Variants in ZNF124 observed in about 807,000 individuals in gnomAD.
ZNF124 encodes zinc finger protein 124, also known as zinc finger protein HZF-16.
ZNF124 carries 25 observed loss-of-function variants against 26.6 expected under a neutral mutation model. The ratio of observed to expected loss-of-function variants is 0.94; its 90% CI spans 0.68 to 1.31. The LOEUF (loss-of-function observed/expected upper bound fraction) is 1.31, where lower values mean the gene tolerates loss of function less well. ZNF124 is among the 40% of genes most tolerant of loss of function. The pLI, the probability that ZNF124 is intolerant of heterozygous loss-of-function variation, is 0.00. For missense variants in ZNF124, 444 were observed against 422.2 expected, an observed-to-expected ratio of 1.05 and a Z score of -0.45; for synonymous variants, 129 against 133.3, an observed-to-expected ratio of 0.97 and a Z score of 0.22.
Position 247,128,849 on chromosome 1 carries a change from G to T in ZNF124, c.219-4978C>A, listed in dbSNP as rs1051266304. On this transcript the variant is annotated intron_variant, in intron 3 of 3. Coordinates refer to the ZNF124 transcript ENST00000472531. The stretch of plus-strand genomic sequence containing the variant: ...CAGTGGGGACACGGCGCAGTTTTCT[G>T]GGGGAGGGTGGGCATTGAGTACTTC... 2.0e-5 allele frequency among the ~76,000 whole-genome samples: 3 copies of T among 151,600 alleles called. 1 individual carries two copies. Among genetic ancestry groups the T allele is most frequent in the Non-Finnish European group, 4.4e-5 (3 of 67,934 alleles).
At chr1:247,151,404 G>A (rs1192824558), downstream of ZNF124, among the ~76,000 whole-genome samples, 27 of 151,736 alleles carry the variant, frequency 1.8e-4, no homozygotes, top group Non-Finnish European at 3.8e-4. Context: ...GCGTGAACTC[G>A]GGAGGCGGAG....
rs1240379883 is a variant in ZNF124 at position 247,168,890 on chromosome 1, AC to A, written c.30+2957del. Among the ~76,000 whole-genome samples, 1 of 152,114 alleles carries A rather than the reference AC, an allele frequency of 6.6e-6. No individual in the cohort carries two copies. Among genetic ancestry groups the A allele is most frequent in the Non-Finnish European group, 1.5e-5 (1 of 68,030 alleles). ...GAGGGGGTGAGACTGCATATTGGGT[AC>A]AGCGTACACTGATAAGGTGACAGGA... On this transcript the variant is annotated intron_variant, in intron 1 of 3. Coordinates refer to ENST00000543802, the MANE Select transcript of ZNF124 (RefSeq NM_001297568.2). This position sits in a 1 kb window ranked among gnomAD's most constrained non-coding sequence, Gnocchi z 4.0.
chr1:247,135,031 G>T (rs1305556285), intron 3 of ZNF124, among the ~76,000 whole-genome samples: 1 of 152,148 alleles, frequency 6.6e-6, no homozygotes, highest in Non-Finnish European at 1.5e-5. Flanking sequence ...CAGAAATCAA[G>T]AAGTTCTTTG....
At chr1:247,151,961 A>G (rs1447541409), downstream of ZNF124, among the ~76,000 whole-genome samples, 1 of 152,082 alleles carries the variant, frequency 6.6e-6, no homozygotes, top group Non-Finnish European at 1.5e-5. Context: ...GCTGTTAGAG[A>G]TCAATATAGT....
chr1:247,147,775 T>A (rs551872032), intron 3 of ZNF124, among the ~76,000 whole-genome samples: 153 of 152,210 alleles, frequency 1.0e-3, no homozygotes, highest in African/African-American at 3.6e-3. Context: ...ACTGGAATAA[T>A]CCCCTCCGGC....
chr1:247,141,768 G>A (rs770286709), intron 3 of ZNF124, among the ~76,000 whole-genome samples: 18 of 152,152 alleles, frequency 1.2e-4, no homozygotes, highest in Non-Finnish European at 2.4e-4. Context: ...CCAAGGGTCC[G>A]CACTGGGTGC....
chr1:247,148,715 CT>C (rs1162469180), intron 3 of ZNF124, among the ~76,000 whole-genome samples: 1 of 152,096 alleles, frequency 6.6e-6, no homozygotes, highest in Non-Finnish European at 1.5e-5. Context: ...AATCCCAGCA[CT>C]TTTGGAGGCC....
intron 3 of ZNF124, among the ~76,000 whole-genome samples, chr1:247,139,036 T>C (rs910718108): frequency 2.0e-5 from 3 of 152,242 alleles, no homozygotes; most frequent in Non-Finnish European, 4.4e-5. Flanking sequence ...CTGCTTTTGC[T>C]TTGAGTTGTC....
Position 247,156,469 on chromosome 1 carries a change from T to C in ZNF124, c.*97A>G. The C allele has an allele frequency of 7.4e-7, 1 of 1,347,684 alleles. No homozygotes were observed. Among genetic ancestry groups the C allele is most frequent in the Non-Finnish European group, 9.5e-7 (1 of 1,047,518 alleles). 83.5% of individuals were successfully genotyped at this position (1,347,684 alleles called of 1,614,324 possible). A position where few individuals can be genotyped will look rare whatever the true frequency, so the allele number is the denominator to read the frequency against. Reference sequence around the variant, plus strand: ...TTCGTTTCATGTATTTGAGGAAATCTGGGAAAATTAAGTACTTTCCTACAC... The same window carrying C: ...TTCGTTTCATGTATTTGAGGAAATCCGGGAAAATTAAGTACTTTCCTACAC... On this transcript the variant is annotated 3_prime_UTR_variant, in exon 4 of 4. Coordinates refer to ENST00000543802, the MANE Select transcript of ZNF124 (RefSeq NM_001297568.2).
At chr1:247,123,992 C>A in intron 3 of ZNF124, 1 of 684,796 alleles carries the variant, frequency 1.5e-6, no homozygotes, top group Non-Finnish European at 2.7e-6. Context: ...CCACGCCCGG[C>A]TAATTTTTTG....
chr1:247,170,912 T>G (rs1674082155), intron 1 of ZNF124, among the ~76,000 whole-genome samples: 1 of 110,262 alleles, frequency 9.1e-6, no homozygotes, highest in African/African-American at 4.6e-5. Context: ...GGATTTCATT[T>G]CTGCCTTTTA....
At chr1:247,151,935 G>A (rs1365492615), downstream of ZNF124, among the ~76,000 whole-genome samples, 1 of 151,990 alleles carries the variant, frequency 6.6e-6, no homozygotes, top group Non-Finnish European at 1.5e-5. Flanking sequence ...AAGTATAAAA[G>A]AGGAAAGTGA....
intron 3 of ZNF124, among the ~76,000 whole-genome samples, chr1:247,133,313 G>C (rs1312207703): frequency 1.3e-5 from 2 of 152,128 alleles, no homozygotes; most frequent in Non-Finnish European, 2.9e-5. Context: ...ACTTATGATT[G>C]ACTGGAGTAC....
At chr1:247,128,677 C>T (rs552366436) in intron 3 of ZNF124, among the ~76,000 whole-genome samples, 2 of 150,694 alleles carry the variant, frequency 1.3e-5, no homozygotes, top group South Asian at 4.3e-4. Context: ...GCTGGTCAGG[C>T]AGTCGGATAC....
intron 3 of ZNF124, among the ~76,000 whole-genome samples, chr1:247,132,841 G>A (rs1672401668): frequency 6.6e-6 from 1 of 151,576 alleles, no homozygotes; most frequent in Non-Finnish European, 1.5e-5. Flanking sequence ...AATCAATCAC[G>A]ACCTTCTCAC....
chr1:247,130,332 C>A (rs912834864), intron 3 of ZNF124, among the ~76,000 whole-genome samples: 1 of 152,078 alleles, frequency 6.6e-6, no homozygotes, highest in Non-Finnish European at 1.5e-5. Flanking sequence ...GGTTTCAACC[C>A]GAATTCCAGG....
At chr1:247,163,256 G>A (rs897590025) in intron 1 of ZNF124, among the ~76,000 whole-genome samples, 1 of 151,568 alleles carries the variant, frequency 6.6e-6, no homozygotes, top group Non-Finnish European at 1.5e-5. Flanking sequence ...AGAAACAAGA[G>A]CAGACCAACC....
chr1:247,135,542 C>A (rs1196404466), intron 3 of ZNF124, among the ~76,000 whole-genome samples: 2 of 151,982 alleles, frequency 1.3e-5, no homozygotes, highest in Non-Finnish European at 2.9e-5. Flanking sequence ...AATTAATAGC[C>A]TACCAATCAA....
chr1:247,136,560 C>G (rs1259939556), intron 3 of ZNF124, among the ~76,000 whole-genome samples: 1 of 152,160 alleles, frequency 6.6e-6, no homozygotes, highest in African/African-American at 2.4e-5. Context: ...ACAAAAATGG[C>G]CACACTGCCC....
Sources: allele counts gnomAD v4.1 joint callset (sites outside exome capture counted in the v4.1 genomes callset), GRCh38; gene constraint gnomAD v4.1.1; non-coding constraint Gnocchi (gnomAD v3.1); transcripts MANE v1.5; gene names NCBI Gene and HGNC (gene_info 2026-07-23, HGNC 2026-07-21).